SFMBT2: variants seen among roughly 807,000 people sequenced by gnomAD.
SFMBT2 encodes scm-like with four MBT domains protein 2.
A neutral mutation model predicts 110.1 loss-of-function variants in SFMBT2; 38 were observed. That is an observed-to-expected ratio of 0.35 (90% CI 0.27 to 0.45). The LOEUF is 0.45. Ranked by LOEUF, SFMBT2 falls within the 20% of genes least tolerant of loss-of-function variation. The probability of loss-of-function intolerance (pLI) is 1.00; values close to 1 mark genes in which losing one functional copy is unlikely to be tolerated. For synonymous variants in SFMBT2, 425 were observed against 425.4 expected, an observed-to-expected ratio of 1.00 and a Z score of 0.01; for missense variants, 1,011 against 1,094.9, an observed-to-expected ratio of 0.92 and a Z score of 1.08.
Position 7,331,143 on chromosome 10 carries a change from T to C in SFMBT2, c.436+36506A>G, listed in dbSNP as rs141904411. ...ACAAGTCCTCCAGCCTACCAAGGCT[T>C]CATTATAAACCATGTCATTGTAAAG... On this transcript the variant is annotated intron_variant, in intron 4 of 20. Coordinates refer to ENST00000397167, the MANE Select transcript of SFMBT2 (RefSeq NM_001387889.1). Among the ~76,000 whole-genome samples, 7 of 152,382 alleles carry C rather than the reference T, an allele frequency of 4.6e-5. No homozygotes were observed. The East Asian group carries it at 1.3e-3, about 29-fold the overall frequency.
intron 7 of SFMBT2, among the ~76,000 whole-genome samples, chr10:7,254,743 G>A (rs1840939833): frequency 6.6e-6 from 1 of 152,036 alleles, no homozygotes; most frequent in Non-Finnish European, 1.5e-5. Flanking sequence ...CAGAAGAATC[G>A]CTTGAACCCG....
intron 16 of SFMBT2, 133 bp downstream of exon 16, chr10:7,188,491 T>C (rs146074301): frequency 1.5e-4 from 94 of 638,718 alleles, no homozygotes; most frequent in Middle Eastern, 4.3e-4. Context: ...GTGTCGCCCA[T>C]AGAACTGCAG....
chr10:7,256,015 C>T (rs1840995220), intron 7 of SFMBT2, among the ~76,000 whole-genome samples: 1 of 152,208 alleles, frequency 6.6e-6, no homozygotes, highest in Non-Finnish European at 1.5e-5. Context: ...GCTGTAATAT[C>T]AAGTGGACAG....
intron 4 of SFMBT2, chr10:7,348,259 T>A (rs1179577371): frequency 6.7e-7 from 1 of 1,498,802 alleles, no homozygotes. Flanking sequence ...TTCGTGACGG[T>A]CTCGAAGAAG....
At chr10:7,228,740 CTCTCTCTCTCTCT>C (rs1202176774) in intron 9 of SFMBT2, among the ~76,000 whole-genome samples, 1,961 of 31,306 alleles carry the variant, frequency 0.063, 6 homozygotes, top group South Asian at 0.12. Flanking sequence ...TCTTTCCTTT[CTCTCTCTCTCTCT>C]CTCTCTCTCT....
At chr10:7,376,663 C>CACTGCAGCCTGGGTG (rs1436095728) in intron 2 of SFMBT2, among the ~76,000 whole-genome samples, 1 of 133,778 alleles carries the variant, frequency 7.5e-6, no homozygotes, top group African/African-American at 2.9e-5. Flanking sequence ...CACACCACTG[C>CACTGCAGCCTGGGTG]ACTGCAGCCT....
chr10:7,305,280 T>C (rs374920411), intron 4 of SFMBT2, among the ~76,000 whole-genome samples: 8 of 152,220 alleles, frequency 5.3e-5, no homozygotes, highest in African/African-American at 1.7e-4. Context: ...GCTATCAGCA[T>C]TGAAGCCAGT....
Position 7,159,624 on chromosome 10 carries a change from T to C in SFMBT2, c.*4146A>G, listed in dbSNP as rs961061388. The stretch of plus-strand genomic sequence containing the variant: ...ACTACAGGTTTCTTAATTGACTATG[T>C]TGCCTTTCAAATAATTGCACGCACG... On this transcript the variant is annotated 3_prime_UTR_variant, in exon 21 of 21. Coordinates refer to ENST00000397167, the MANE Select transcript of SFMBT2 (RefSeq NM_001387889.1). 1 of 152,174 alleles carries C rather than the reference T, an allele frequency of 6.6e-6. No homozygotes were observed. The highest frequency in any genetic ancestry group is 2.4e-5 in the African/African-American group (1 of 41,442). The allele number at this position is 152,174 out of a possible 1,614,324, so 9.4% of individuals were successfully genotyped here. A position where few individuals can be genotyped will look rare whatever the true frequency, so the allele number is the denominator to read the frequency against.
At chr10:7,402,086 G>C (rs1448284638) in intron 1 of SFMBT2, among the ~76,000 whole-genome samples, 1 of 149,364 alleles carries the variant, frequency 6.7e-6, no homozygotes, top group Non-Finnish European at 1.5e-5. Context: ...ACACAGGCAA[G>C]ATGGTGACTA....
chr10:7,410,533 G>A (rs1846345145), intron 1 of SFMBT2, among the ~76,000 whole-genome samples: 1 of 152,168 alleles, frequency 6.6e-6, no homozygotes, highest in Non-Finnish European at 1.5e-5. Context: ...CTCCCGCACG[G>A]CTCGGCTTTT....
intron 4 of SFMBT2, among the ~76,000 whole-genome samples, chr10:7,290,955 C>G (rs991468639): frequency 4.6e-5 from 7 of 152,214 alleles, no homozygotes; most frequent in African/African-American, 1.7e-4. Context: ...CAAGCCCCAT[C>G]AAGTGCACAT....
At chr10:7,303,352 T>C (rs1260093179) in intron 4 of SFMBT2, among the ~76,000 whole-genome samples, 1 of 152,244 alleles carries the variant, frequency 6.6e-6, no homozygotes, top group Non-Finnish European at 1.5e-5. Context: ...AACTATTATG[T>C]CAGCCTTAGA....
chr10:7,287,806 G>A (rs1260012168), intron 4 of SFMBT2, among the ~76,000 whole-genome samples: 1 of 152,200 alleles, frequency 6.6e-6, no homozygotes, highest in African/African-American at 2.4e-5. Flanking sequence ...AGGGTGTGGG[G>A]CAGATCTGGG....
At chr10:7,284,224 A>G in intron 5 of SFMBT2, 74 bp from the exon 6 acceptor site, 1 of 1,556,348 alleles carries the variant, frequency 6.4e-7, no homozygotes, top group East Asian at 2.2e-5. Context: ...TGACAGCAGA[A>G]GATAATATTT....
At chr10:7,288,250 G>A (rs1309603085) in intron 4 of SFMBT2, among the ~76,000 whole-genome samples, 1 of 152,108 alleles carries the variant, frequency 6.6e-6, no homozygotes, top group Non-Finnish European at 1.5e-5. Flanking sequence ...CACACCAAGA[G>A]CAAAACCAAC....
At chr10:7,323,081 T>C (rs1843247017) in intron 4 of SFMBT2, among the ~76,000 whole-genome samples, 1 of 152,188 alleles carries the variant, frequency 6.6e-6, no homozygotes, top group Non-Finnish European at 1.5e-5. Context: ...TTATTTATAT[T>C]GATACCATTT....
intron 7 of SFMBT2, among the ~76,000 whole-genome samples, chr10:7,273,129 C>T (rs1841652166): frequency 6.6e-6 from 1 of 152,152 alleles, no homozygotes; most frequent in East Asian, 1.9e-4. Context: ...AATGATAGCT[C>T]ACCTAAAATT....
At chr10:7,297,688 T>G (rs1564427260) in intron 4 of SFMBT2, among the ~76,000 whole-genome samples, 1 of 152,184 alleles carries the variant, frequency 6.6e-6, no homozygotes, top group Non-Finnish European at 1.5e-5. Context: ...ATTTTAAAAT[T>G]TTGAAACAAA....
At chr10:7,362,329 G>A (rs775931518) in intron 4 of SFMBT2, among the ~76,000 whole-genome samples, 9 of 152,116 alleles carry the variant, frequency 5.9e-5, no homozygotes, top group Non-Finnish European at 1.0e-4. Flanking sequence ...TGGAGCTGCC[G>A]CCATGCTGTT....
Sources: gnomAD v4.1 joint callset for allele counts (sites outside exome capture counted in the v4.1 genomes callset) on GRCh38, gnomAD v4.1.1 for gene constraint, MANE v1.5 for transcripts, NCBI Gene and HGNC (gene_info 2026-07-23, HGNC 2026-07-21) for gene names.